The following TAFA5 variants were observed in gnomAD, a reference collection of about 807,000 sequenced individuals.
The protein encoded by TAFA5 is TAFA chemokine like family member 5.
A neutral mutation model predicts 15.3 loss-of-function variants in TAFA5; 6 were observed. The ratio of observed to expected loss-of-function variants is 0.39; its 90% confidence interval spans 0.21 to 0.77. The LOEUF (loss-of-function observed/expected upper bound fraction) is 0.77. Among genes scored for constraint, TAFA5 ranks in the 30% least tolerant of loss-of-function variants. The probability of loss-of-function intolerance (pLI) is 0.41; values close to 1 mark genes in which losing one functional copy is unlikely to be tolerated. For missense variants in TAFA5, 161 were observed against 193.1 expected (o/e 0.83, Z 0.98); for synonymous variants, 103 against 80.7 (o/e 1.28, Z -1.48).
chr22:48,542,402 CGT>C (rs139940642), intron 1 of TAFA5, among the ~76,000 whole-genome samples: 2 of 57,904 alleles, frequency 3.5e-5, no homozygotes, highest in East Asian at 1.5e-3. Flanking sequence ...TGTGTGTGTG[CGT>C]GTGTGGCGTG....
At chr22:48,604,528 G>A (rs1279402146) in intron 1 of TAFA5, among the ~76,000 whole-genome samples, 1 of 152,354 alleles carries the variant, frequency 6.6e-6, no homozygotes, top group Admixed American at 6.5e-5. Flanking sequence ...TGGTGCTACA[G>A]GGAGTGCTCA....
intron 1 of TAFA5, among the ~76,000 whole-genome samples, chr22:48,571,574 G>GTTTTGTTTTTTTTTTT (rs1923586979): frequency 1.0e-4 from 3 of 29,234 alleles, no homozygotes; most frequent in Non-Finnish European, 2.0e-4. Context: ...TGCCTGGCCT[G>GTTTTGTTTTTTTTTTT]TTTTTTTTTT....
At chr22:48,636,495 G>C (rs1468741691) in intron 1 of TAFA5, among the ~76,000 whole-genome samples, 4 of 91,528 alleles carry the variant, frequency 4.4e-5, no homozygotes, top group African/African-American at 1.8e-4. Context: ...TCAGCGATAA[G>C]ACTAAACATT....
chr22:48,663,368 A>C (rs9628512), intron 2 of TAFA5, among the ~76,000 whole-genome samples: 43,487 of 152,008 alleles, frequency 0.29, 6,760 homozygotes, highest in African/African-American at 0.41. Context: ...CCTCACTGCC[A>C]AAGTCACCTT....
At chr22:48,590,237 C>A (rs779459695) in intron 1 of TAFA5, among the ~76,000 whole-genome samples, 1 of 152,184 alleles carries the variant, frequency 6.6e-6, no homozygotes, top group Non-Finnish European at 1.5e-5. Flanking sequence ...CCGAGGAGAT[C>A]GGGGTTGGGG....
rs537055308 is a variant in TAFA5, at chr22:48,693,299, G to T, written c.263-14418G>T. Reference sequence around the variant, plus strand: ...CCCATAATTCTGCTCCCAGAAATTTGCCCTAAGAGAGTAATTGAAAGGAAG... The same window carrying T: ...CCCATAATTCTGCTCCCAGAAATTTTCCCTAAGAGAGTAATTGAAAGGAAG... On this transcript the variant is annotated intron_variant, in intron 2 of 3. Transcript: ENST00000402357. 5 of 1,604,842 alleles carry T rather than the reference G, an allele frequency of 3.1e-6. No homozygotes were observed. The East Asian group carries it at 1.1e-4, about 36-fold the overall frequency.
chr22:48,680,126 C>T (rs1260427290), intron 2 of TAFA5, among the ~76,000 whole-genome samples: 1 of 152,232 alleles, frequency 6.6e-6, no homozygotes, highest in Non-Finnish European at 1.5e-5. Context: ...CATGGTCCCC[C>T]CACCCTGTGT....
At chr22:48,668,711 T>A (rs1490413312) in intron 2 of TAFA5, among the ~76,000 whole-genome samples, 1 of 142,700 alleles carries the variant, frequency 7.0e-6, no homozygotes. Flanking sequence ...GCGTTTTCAC[T>A]GGAAACTGTA....
At chr22:48,738,582 C>T (rs1470893251) in intron 3 of TAFA5, among the ~76,000 whole-genome samples, 2 of 152,216 alleles carry the variant, frequency 1.3e-5, no homozygotes, top group Non-Finnish European at 2.9e-5. Flanking sequence ...GGAGTGATTG[C>T]ACCACAGCCT....
chr22:48,735,718 G>T (rs114454897), intron 3 of TAFA5, among the ~76,000 whole-genome samples: 1 of 151,662 alleles, frequency 6.6e-6, no homozygotes, highest in Non-Finnish European at 1.5e-5. Flanking sequence ...GGCAGCAATC[G>T]CCCTCCTAGA....
intron 2 of TAFA5, among the ~76,000 whole-genome samples, chr22:48,654,951 A>G (rs1192734881): frequency 6.6e-6 from 1 of 152,134 alleles, no homozygotes; most frequent in Admixed American, 6.5e-5. Flanking sequence ...GCCTAGGCCT[A>G]TGGGGTCTGC....
chr22:48,730,792 C>T (rs1211413861), intron 3 of TAFA5, among the ~76,000 whole-genome samples: 2 of 152,122 alleles, frequency 1.3e-5, no homozygotes, highest in African/African-American at 4.8e-5. Context: ...CACTGACCGG[C>T]CAGTCCCGTC....
intron 3 of TAFA5, among the ~76,000 whole-genome samples, chr22:48,730,423 C>T (rs970749568): frequency 2.6e-5 from 4 of 152,094 alleles, no homozygotes; most frequent in African/African-American, 4.8e-5. Context: ...ACATGCAGTG[C>T]GGTGGAGCCA....
chr22:48,508,090 T>C (rs1921070757), intron 1 of TAFA5, among the ~76,000 whole-genome samples: 2 of 152,036 alleles, frequency 1.3e-5, no homozygotes, highest in South Asian at 4.1e-4. Context: ...TGGGTGCTGG[T>C]GCAACCCTGA....
intron 2 of TAFA5, among the ~76,000 whole-genome samples, chr22:48,697,430 AGAT>A (rs975025109): frequency 3.4e-4 from 51 of 148,582 alleles, no homozygotes; most frequent in African/African-American, 9.9e-4. Context: ...AGGATGAGGA[AGAT>A]GATGATGAGG....
At chr22:48,622,361 C>G (rs565101127) in intron 1 of TAFA5, among the ~76,000 whole-genome samples, 1 of 152,300 alleles carries the variant, frequency 6.6e-6, no homozygotes, top group Non-Finnish European at 1.5e-5. Flanking sequence ...GCCTATGTTG[C>G]AGAAAAGCAT....
At chr22:48,733,968 C>T (rs1342141666) in intron 3 of TAFA5, among the ~76,000 whole-genome samples, 1 of 152,166 alleles carries the variant, frequency 6.6e-6, no homozygotes, top group Non-Finnish European at 1.5e-5. Flanking sequence ...GCCGCCTGCA[C>T]AGTGTTGGTC....
chr22:48,509,426 C>T (rs187917496), intron 1 of TAFA5, among the ~76,000 whole-genome samples: 8 of 152,228 alleles, frequency 5.3e-5, no homozygotes, highest in East Asian at 1.9e-4. Flanking sequence ...ACATTCCCAC[C>T]GATAGTGTAT....
chr22:48,494,384 C>T (rs1928254055), intron 1 of TAFA5, among the ~76,000 whole-genome samples: 1 of 152,204 alleles, frequency 6.6e-6, no homozygotes, highest in African/African-American at 2.4e-5. Context: ...GCACTGTCAG[C>T]GATGGTCCAG....
Sources: allele counts gnomAD v4.1 joint callset (sites outside exome capture counted in the v4.1 genomes callset), GRCh38; gene constraint gnomAD v4.1.1; transcripts MANE v1.5; gene names NCBI Gene and HGNC (gene_info 2026-07-23, HGNC 2026-07-21).